ADGRL3: variants seen among roughly 807,000 people sequenced by gnomAD.
ADGRL3 encodes adhesion G protein-coupled receptor L3.
A neutral mutation model predicts 153.5 loss-of-function variants in ADGRL3; 62 were observed. The observed-to-expected ratio is 0.40, with a 90% CI of 0.33 to 0.50. ADGRL3 has a LOEUF of 0.50. Ranked by LOEUF, ADGRL3 falls within the 20% of genes least tolerant of loss-of-function variation. The pLI is 0.47. For missense variants in ADGRL3, 1,641 were observed against 1,859.4 expected (o/e 0.88, Z 2.16); for synonymous variants, 710 against 672.5 (o/e 1.06, Z -0.86).
intron 2 of ADGRL3, among the ~76,000 whole-genome samples, chr4:61,400,307 A>C (rs1397113033): frequency 6.6e-6 from 1 of 151,866 alleles, no homozygotes; most frequent in Non-Finnish European, 1.5e-5. Context: ...TTACTTTACT[A>C]TATCAGACCT....
intron 12 of ADGRL3, among the ~76,000 whole-genome samples, chr4:61,910,497 T>C (rs1000273477): frequency 1.3e-5 from 2 of 150,458 alleles, no homozygotes; most frequent in African/African-American, 4.9e-5. Flanking sequence ...TTATAAATAA[T>C]ATAATTTATT....
rs1165853514 is a variant in ADGRL3, at chr4:62,072,667, A to G, written c.*1759A>G. On this transcript the variant is annotated 3_prime_UTR_variant, in exon 27 of 27. Transcript: ENST00000683033. ...AATGGGCATGTTTATTTTGGATGAA[A>G]TCAGATGCATAACTTAATGTTGAGC... 2 of 152,166 alleles carry G rather than the reference A, an allele frequency of 1.3e-5. No homozygotes were observed. Among genetic ancestry groups the G allele is most frequent in the Admixed American group, 1.3e-4 (2 of 15,272 alleles). The allele number at this position is 152,166 out of a possible 1,614,324, so 9.4% of individuals were successfully genotyped here. A position where few individuals can be genotyped will look rare whatever the true frequency, so the allele number is the denominator to read the frequency against.
chr4:61,367,228 CT>C (rs554213066), intron 1 of ADGRL3, among the ~76,000 whole-genome samples: 2,298 of 146,658 alleles, frequency 0.016, 49 homozygotes, highest in African/African-American at 0.047. Flanking sequence ...AAAACTGTCG[CT>C]TTTTTTTTTA....
At chr4:61,430,475 C>G (rs1420628250) in intron 2 of ADGRL3, among the ~76,000 whole-genome samples, 3 of 152,098 alleles carry the variant, frequency 2.0e-5, no homozygotes, top group African/African-American at 7.2e-5. Flanking sequence ...AAAGTACCAC[C>G]ACTGTACAGA....
intron 5 of ADGRL3, among the ~76,000 whole-genome samples, chr4:61,655,437 T>A (rs2094416950): frequency 6.6e-6 from 1 of 152,288 alleles, no homozygotes; most frequent in South Asian, 2.1e-4. Context: ...ATTATTTTCT[T>A]TAACAGTAAT....
At chr4:61,891,238 A>G (rs556895817) in intron 9 of ADGRL3, among the ~76,000 whole-genome samples, 60 of 152,304 alleles carry the variant, frequency 3.9e-4, no homozygotes, top group Non-Finnish European at 7.8e-4. Context: ...AAATAGAGGC[A>G]TGAGACAGAA....
intron 5 of ADGRL3, among the ~76,000 whole-genome samples, chr4:61,647,635 A>G (rs2094078426): frequency 6.6e-6 from 1 of 152,148 alleles, no homozygotes; most frequent in African/African-American, 2.4e-5. Flanking sequence ...AAGAGCTGAT[A>G]TAAATTTATT....
chr4:61,504,532 T>A (rs1472895869), intron 3 of ADGRL3, among the ~76,000 whole-genome samples: 2 of 152,152 alleles, frequency 1.3e-5, no homozygotes, highest in Non-Finnish European at 2.9e-5. Context: ...TTTAGTTATT[T>A]TGAAATATAC....
At chr4:61,424,903 A>C (rs2097257875) in intron 2 of ADGRL3, among the ~76,000 whole-genome samples, 1 of 151,832 alleles carries the variant, frequency 6.6e-6, no homozygotes, top group Non-Finnish European at 1.5e-5. Flanking sequence ...GGAACGTAGC[A>C]CCTCCCAGTT....
At chr4:61,659,071 T>C (rs756540077) in intron 5 of ADGRL3, among the ~76,000 whole-genome samples, 1 of 152,150 alleles carries the variant, frequency 6.6e-6, no homozygotes, top group Non-Finnish European at 1.5e-5. Context: ...GACTTGCAGC[T>C]GCATCTTTCC....
In ADGRL3 at chr4:61,227,191, A is replaced by G. The variant is rs71607286; in HGVS notation, c.-240+25426A>G. 4.0e-3 allele frequency among the ~76,000 whole-genome samples: 615 copies of G among 151,990 alleles called. 3 individuals are homozygous for G. The highest frequency in any genetic ancestry group is 6.8e-3 in the Middle Eastern group (2 of 294). On this transcript the variant is annotated intron_variant, in intron 1 of 26. Transcript: ENST00000683033. ...GAAGATGACTTGGAGGTTTTTTGTCATTTCTTCTGGCACCTCACTTTTTTT... is the reference window on the plus strand; with the variant it reads ...GAAGATGACTTGGAGGTTTTTTGTCGTTTCTTCTGGCACCTCACTTTTTTT...
chr4:61,467,102 G>A (rs189626917), intron 2 of ADGRL3, among the ~76,000 whole-genome samples: 7 of 152,134 alleles, frequency 4.6e-5, no homozygotes, highest in East Asian at 1.9e-4. Context: ...ATAATAGGAC[G>A]CAAGCTGAAG....
chr4:61,238,244 G>C (rs1753581849), intron 1 of ADGRL3, among the ~76,000 whole-genome samples: 1 of 152,086 alleles, frequency 6.6e-6, no homozygotes, highest in African/African-American at 2.4e-5. Context: ...TTCTTTATGA[G>C]AGAGGTTTAA....
rs1312043621 is a variant in ADGRL3 at position 61,758,858 on chromosome 4, C to T, written c.1399+25304C>T. 2.0e-5 allele frequency among the ~76,000 whole-genome samples: 3 copies of T among 152,258 alleles called. No individual in the cohort carries two copies. In the East Asian group the frequency reaches 5.8e-4, roughly 29 times the overall value. ...ATGTTTAGTGCTTCCTTCAGGAGCT[C>T]TTGTAGGGCAGGCCTGGTGGTGACA... On this transcript the variant is annotated intron_variant, in intron 8 of 26. Transcript: ENST00000683033.
At chr4:61,878,768 A>G (rs1348096478) in intron 9 of ADGRL3, among the ~76,000 whole-genome samples, 1 of 152,176 alleles carries the variant, frequency 6.6e-6, no homozygotes, top group Non-Finnish European at 1.5e-5. Flanking sequence ...CTCTGTCTTC[A>G]TGGTGCTTTT....
intron 5 of ADGRL3, among the ~76,000 whole-genome samples, chr4:61,637,129 C>T (rs1038803946): frequency 3.9e-5 from 6 of 152,086 alleles, no homozygotes; most frequent in Non-Finnish European, 7.4e-5. Flanking sequence ...ACTTCTAACC[C>T]TCAGTACCTC....
Position 61,386,414 on chromosome 4 carries a change from T to C in ADGRL3, c.-174+3225T>C, listed in dbSNP as rs541101329. 1.4e-4 allele frequency among the ~76,000 whole-genome samples: 22 copies of C among 152,264 alleles called. No individual in the cohort carries two copies. In the East Asian group the frequency reaches 4.2e-3, roughly 29 times the overall value. Reference sequence around the variant, plus strand: ...ACTTGTCCTAAGAATATATTTTGTTTTGAGGTATAAGTTAATGATAGTACA... The same window carrying C: ...ACTTGTCCTAAGAATATATTTTGTTCTGAGGTATAAGTTAATGATAGTACA... On this transcript the variant is annotated intron_variant, in intron 2 of 26. Transcript: ENST00000683033.
rs1026425955 is a variant in ADGRL3 at position 62,070,733 on chromosome 4, A to G, written c.4457A>G (p.Asp1486Gly). 4 of 1,551,536 alleles carry G rather than the reference A, an allele frequency of 2.6e-6. No homozygotes were observed. Among genetic ancestry groups the G allele is most frequent in the Admixed American group, 2.0e-5 (1 of 50,982 alleles). ...CCGGCCAAATGTGGTGATGCCGAAG[A>G]TGTTTACTACAAAAGCATGCCAAAC... The part of the protein sequence containing the change: ...PPPAKCGDAE[D>G]VYYKSMPNLG... Residue 1486 changes from aspartate (D) to glycine (G), a missense_variant, in exon 27 of 27, where the codon GAT becomes GGT. Around this residue, in one of 5 missense-constraint regions of ADGRL3, gnomAD observed 517 missense variants for 555.0 expected, o/e 0.93. Coordinates refer to ENST00000683033, the MANE Select transcript of ADGRL3 (RefSeq NM_001387552.1).
At chr4:61,805,423 G>C (rs2097543405) in intron 8 of ADGRL3, among the ~76,000 whole-genome samples, 1 of 152,132 alleles carries the variant, frequency 6.6e-6, no homozygotes, top group African/African-American at 2.4e-5. Flanking sequence ...CCTTGGCTCT[G>C]TCCTCTAGGG....
Sources: gnomAD v4.1 joint callset for allele counts (sites outside exome capture counted in the v4.1 genomes callset) on GRCh38, gnomAD v4.1.1 for gene constraint, gnomAD v4.1.1 regional missense constraint, MANE v1.5 for transcripts, NCBI Gene and HGNC (gene_info 2026-07-23, HGNC 2026-07-21) for gene names.